Variants in ARHGEF28 observed in about 807,000 individuals in gnomAD.
The protein encoded by ARHGEF28 is Rho guanine nucleotide exchange factor 28, also known as 190 kDa guanine nucleotide exchange factor.
ARHGEF28 carries 152 observed loss-of-function variants against 206.6 expected under a neutral mutation model. That is an observed-to-expected ratio of 0.74 (90% CI 0.64 to 0.84). The LOEUF is 0.84. Ranked by LOEUF, ARHGEF28 falls within the 40% of genes least tolerant of loss-of-function variation. ARHGEF28 has a pLI of 0.00. For synonymous variants in ARHGEF28, 763 were observed against 776.4 expected (o/e 0.98, Z 0.29); for missense variants, 2,028 against 2,073.2 (o/e 0.98, Z 0.42).
intron 2 of ARHGEF28, among the ~76,000 whole-genome samples, chr5:73,737,150 T>G (rs1750991595): frequency 6.6e-6 from 1 of 152,150 alleles, no homozygotes; most frequent in African/African-American, 2.4e-5. Flanking sequence ...CAGCTCTTGA[T>G]TTAGATGCAG....
At chr5:73,732,990 T>A (rs1338846032) in intron 2 of ARHGEF28, among the ~76,000 whole-genome samples, 1 of 152,218 alleles carries the variant, frequency 6.6e-6, no homozygotes, top group Non-Finnish European at 1.5e-5. Flanking sequence ...TTTAGCTTTT[T>A]AAAAATTTTT....
At chr5:73,748,370 G>C (rs770550460) in intron 2 of ARHGEF28, among the ~76,000 whole-genome samples, 2 of 151,928 alleles carry the variant, frequency 1.3e-5, no homozygotes, top group Non-Finnish European at 2.9e-5. Context: ...TCTATACTTT[G>C]TATTTATACC....
chr5:73,675,183 A>G (rs1746575465), intron 1 of ARHGEF28, among the ~76,000 whole-genome samples: 1 of 152,174 alleles, frequency 6.6e-6, no homozygotes, highest in Admixed American at 6.5e-5. Context: ...TCCAGGTAGT[A>G]TGGGAATTGG....
chr5:73,808,796 G>GAAGCA (rs1755664732), intron 9 of ARHGEF28, among the ~76,000 whole-genome samples: 1 of 152,094 alleles, frequency 6.6e-6, no homozygotes, highest in Non-Finnish European at 1.5e-5. Context: ...GTGGAGTAGA[G>GAAGCA]AAGCAAAGCA....
intron 2 of ARHGEF28, among the ~76,000 whole-genome samples, chr5:73,703,449 G>A (rs191033183): frequency 6.6e-6 from 1 of 152,168 alleles, no homozygotes; most frequent in Admixed American, 6.5e-5. Context: ...CCCTGGGCCT[G>A]GCCAGACTCA....
At chr5:73,775,871 G>C (rs1753511939) in intron 5 of ARHGEF28, among the ~76,000 whole-genome samples, 1 of 93,286 alleles carries the variant, frequency 1.1e-5, no homozygotes. Context: ...GAAAATAAGT[G>C]TATATTCAAG....
chr5:73,668,968 A>C (rs944682203), intron 1 of ARHGEF28, among the ~76,000 whole-genome samples: 2 of 152,132 alleles, frequency 1.3e-5, no homozygotes, highest in Admixed American at 6.6e-5. Flanking sequence ...AACCAGAAGA[A>C]TGTTTTTTTT....
intron 35 of ARHGEF28, among the ~76,000 whole-genome samples, chr5:73,918,465 T>G (rs1763340350): frequency 6.6e-6 from 1 of 152,254 alleles, no homozygotes; most frequent in Non-Finnish European, 1.5e-5. Flanking sequence ...TAGTGCAATA[T>G]TATATGGCAT....
At chr5:73,797,559 C>A (rs1754893849) in intron 9 of ARHGEF28, among the ~76,000 whole-genome samples, 1 of 152,110 alleles carries the variant, frequency 6.6e-6, no homozygotes, top group South Asian at 2.1e-4. Flanking sequence ...CATCACCATG[C>A]CCAGGTAATT....
intron 35 of ARHGEF28, among the ~76,000 whole-genome samples, chr5:73,932,969 C>T (rs1488680958): frequency 6.6e-6 from 1 of 151,576 alleles, no homozygotes; most frequent in African/African-American, 2.4e-5. Flanking sequence ...CCACCATGCC[C>T]GGCTAATTTT....
intron 22 of ARHGEF28, among the ~76,000 whole-genome samples, chr5:73,880,889 TCTC>T (rs944446954): frequency 1.3e-5 from 2 of 151,916 alleles, no homozygotes; most frequent in African/African-American, 4.8e-5. Flanking sequence ...CCGAGATCCT[TCTC>T]CTGCACTCCA....
chr5:73,746,265 A>G (rs1245406456), intron 2 of ARHGEF28, among the ~76,000 whole-genome samples: 2 of 152,124 alleles, frequency 1.3e-5, no homozygotes, highest in Admixed American at 6.5e-5. Flanking sequence ...AGTCAGAAGT[A>G]CACTTAACGA....
intron 35 of ARHGEF28, among the ~76,000 whole-genome samples, chr5:73,917,318 G>A (rs907396372): frequency 2.6e-5 from 4 of 152,160 alleles, no homozygotes; most frequent in Non-Finnish European, 5.9e-5. Flanking sequence ...ATGTTTTAAA[G>A]GAAACTATAA....
chr5:73,749,194 A>T (rs1345387712), intron 2 of ARHGEF28, among the ~76,000 whole-genome samples: 1 of 152,190 alleles, frequency 6.6e-6, no homozygotes, highest in African/African-American at 2.4e-5. Context: ...AGGGGGAGGG[A>T]GTAGTCCTAT....
At chr5:73,744,467 C>CT (rs1357864769) in intron 2 of ARHGEF28, among the ~76,000 whole-genome samples, 4 of 150,910 alleles carry the variant, frequency 2.7e-5, no homozygotes, top group South Asian at 2.1e-4. Flanking sequence ...ACCATGCATG[C>CT]TTTTTTTTTC....
intron 2 of ARHGEF28, among the ~76,000 whole-genome samples, chr5:73,733,766 A>G (rs1272955141): frequency 6.6e-6 from 1 of 152,166 alleles, no homozygotes; most frequent in African/African-American, 2.4e-5. Context: ...TGAGGCGTGA[A>G]AAAGAAGAAA....
At chr5:73,921,771 C>T (rs1763533500) in intron 35 of ARHGEF28, among the ~76,000 whole-genome samples, 1 of 152,166 alleles carries the variant, frequency 6.6e-6, no homozygotes, top group Non-Finnish European at 1.5e-5. Flanking sequence ...GACTCTGCTT[C>T]TCTGATGAAT....
chr5:73,740,174 C>A (rs1580550216), intron 2 of ARHGEF28, among the ~76,000 whole-genome samples: 1 of 106,748 alleles, frequency 9.4e-6, no homozygotes, highest in African/African-American at 3.7e-5. Flanking sequence ...GAGAACCTAT[C>A]TCAAAAAAAA....
At chr5:73,851,551 A>T (rs947254504) in intron 13 of ARHGEF28, among the ~76,000 whole-genome samples, 1 of 152,162 alleles carries the variant, frequency 6.6e-6, no homozygotes, top group Non-Finnish European at 1.5e-5. Flanking sequence ...TAAAATGATA[A>T]CTACAGTCTC....
Sources: allele counts gnomAD v4.1 joint callset (sites outside exome capture counted in the v4.1 genomes callset), GRCh38; gene constraint gnomAD v4.1.1; transcripts MANE v1.5; gene names NCBI Gene and HGNC (gene_info 2026-07-23, HGNC 2026-07-21).